The following CNTN4 variants were observed in gnomAD, a reference collection of about 807,000 sequenced individuals.
CNTN4 encodes contactin-4.
A neutral mutation model predicts 122.5 loss-of-function variants in CNTN4; 77 were observed. The ratio of observed to expected loss-of-function variants is 0.63; its 90% CI spans 0.52 to 0.76. The LOEUF (loss-of-function observed/expected upper bound fraction) is 0.76. CNTN4 is among the 30% of genes least tolerant of loss of function. The pLI is 0.00. For synonymous variants in CNTN4, 512 were observed against 447.0 expected (o/e 1.15, Z -1.83); for missense variants, 1,256 against 1,259.1 (o/e 1.00, Z 0.04).
intron 14 of CNTN4, among the ~76,000 whole-genome samples, chr3:3,012,365 C>A (rs1053490208): frequency 1.3e-5 from 2 of 152,138 alleles, no homozygotes; most frequent in African/African-American, 4.8e-5. Context: ...TTGTTTCTGT[C>A]ACATTCTTAG....
intron 2 of CNTN4, among the ~76,000 whole-genome samples, chr3:2,101,377 T>C (rs983529791): frequency 2.6e-5 from 4 of 152,226 alleles, no homozygotes; most frequent in African/African-American, 9.6e-5. Context: ...GTTTGTCTGA[T>C]CATGATTTTA....
intron 6 of CNTN4, among the ~76,000 whole-genome samples, chr3:2,811,705 C>G (rs2092615693): frequency 6.6e-6 from 1 of 151,974 alleles, no homozygotes; most frequent in Admixed American, 6.6e-5. Context: ...TGCTCTGTCA[C>G]CCAGGCTGTA....
intron 4 of CNTN4, among the ~76,000 whole-genome samples, chr3:2,630,705 T>A (rs2082392981): frequency 1.9e-5 from 2 of 103,666 alleles, no homozygotes; most frequent in Non-Finnish European, 3.6e-5. Context: ...TAAGGGAGTG[T>A]GTGTGTGTGT....
At chr3:2,937,207 C>T (rs1309046845) in intron 13 of CNTN4, among the ~76,000 whole-genome samples, 4 of 152,116 alleles carry the variant, frequency 2.6e-5, no homozygotes, top group Non-Finnish European at 5.9e-5. Flanking sequence ...CCAGCATGTC[C>T]GTCTTATGCA....
rs1003048691 is a variant in CNTN4 at position 2,193,467 on chromosome 3, CTT to C, written c.-145+92831_-145+92832del. Reference sequence around the variant, plus strand: ...TAATGGAAGAAAAAAATGCTGGAAACTTTTACTGGTTAAAGGATACTGTAGTA... The same window carrying C: ...TAATGGAAGAAAAAAATGCTGGAAACTTACTGGTTAAAGGATACTGTAGTA... On this transcript the variant is annotated intron_variant, in intron 2 of 24. Coordinates refer to ENST00000418658, the MANE Select transcript of CNTN4 (RefSeq NM_175607.3). Among the ~76,000 whole-genome samples, 39 of 152,056 alleles carry C rather than the reference CTT, an allele frequency of 2.6e-4. 1 individual carries two copies.
intron 4 of CNTN4, among the ~76,000 whole-genome samples, chr3:2,635,852 G>C (rs61039384): frequency 0.12 from 17,851 of 152,114 alleles, 1,132 homozygotes; most frequent in South Asian, 0.21. Context: ...CTCCCAGATA[G>C]TTTCAAGGAA....
intron 3 of CNTN4, among the ~76,000 whole-genome samples, chr3:2,398,072 G>A (rs1199429116): frequency 2.6e-5 from 4 of 151,868 alleles, no homozygotes; most frequent in Non-Finnish European, 5.9e-5. Flanking sequence ...AAATTTTCTC[G>A]AACTCTCTGT....
intron 2 of CNTN4, among the ~76,000 whole-genome samples, chr3:2,309,557 A>G (rs2042840715): frequency 6.6e-6 from 1 of 152,026 alleles, no homozygotes; most frequent in African/African-American, 2.4e-5. Context: ...ATTTCCATCA[A>G]CATCCCTGCA....
intron 2 of CNTN4, among the ~76,000 whole-genome samples, chr3:2,267,786 A>T (rs2041111676): frequency 6.6e-6 from 1 of 152,004 alleles, no homozygotes; most frequent in African/African-American, 2.4e-5. Flanking sequence ...ATGACACTTT[A>T]TTGGTTTTGA....
chr3:2,231,209 A>C (rs187832171), intron 2 of CNTN4, among the ~76,000 whole-genome samples: 1 of 152,154 alleles, frequency 6.6e-6, no homozygotes, highest in Non-Finnish European at 1.5e-5. Flanking sequence ...TAAATCTTCA[A>C]TTCATACTAG....
At chr3:2,465,446 A>T (rs1018890439) in intron 3 of CNTN4, among the ~76,000 whole-genome samples, 4 of 152,134 alleles carry the variant, frequency 2.6e-5, no homozygotes, top group Admixed American at 2.0e-4. Context: ...GGAGGCCGAG[A>T]TAGACGGATT....
intron 14 of CNTN4, among the ~76,000 whole-genome samples, chr3:3,011,595 G>A (rs1014979097): frequency 2.0e-5 from 3 of 152,128 alleles, no homozygotes; most frequent in African/African-American, 7.2e-5. Context: ...AAATGTCTAT[G>A]TACAATGATA....
chr3:2,760,231 A>G (rs2090526187), intron 6 of CNTN4, among the ~76,000 whole-genome samples: 1 of 152,170 alleles, frequency 6.6e-6, no homozygotes, highest in African/African-American at 2.4e-5. Flanking sequence ...TTGTTGTCAC[A>G]TCAAAGAAAC....
intron 13 of CNTN4, among the ~76,000 whole-genome samples, chr3:2,945,096 C>T (rs1216643244): frequency 6.6e-6 from 1 of 152,076 alleles, no homozygotes; most frequent in Non-Finnish European, 1.5e-5. Context: ...TTTAAGCTGC[C>T]CCATATTCTT....
chr3:2,507,917 T>C (rs1382358187), intron 3 of CNTN4, among the ~76,000 whole-genome samples: 1 of 152,054 alleles, frequency 6.6e-6, no homozygotes, highest in Non-Finnish European at 1.5e-5. Flanking sequence ...TTTTTGCTAA[T>C]AGTGACTACA....
chr3:3,049,828 C>G (rs1701068645), intron 23 of CNTN4, among the ~76,000 whole-genome samples: 1 of 136,942 alleles, frequency 7.3e-6, no homozygotes, highest in Non-Finnish European at 1.7e-5. Flanking sequence ...AGTGTTGGGA[C>G]TATCACCAAC....
At chr3:2,988,812 C>T (rs1452818488) in intron 14 of CNTN4, 7 of 286,904 alleles carry the variant, frequency 2.4e-5, no homozygotes, top group Admixed American at 9.5e-5. Context: ...AACACTATTC[C>T]AACAAATTAA....
At chr3:2,770,452 A>G (rs1279804555) in intron 6 of CNTN4, among the ~76,000 whole-genome samples, 2 of 152,258 alleles carry the variant, frequency 1.3e-5, no homozygotes, top group Non-Finnish European at 2.9e-5. Flanking sequence ...AAGGGCCCTC[A>G]GCTTCCTTCA....
At chr3:2,899,022 T>A (rs1488990612) in intron 10 of CNTN4, among the ~76,000 whole-genome samples, 1 of 152,236 alleles carries the variant, frequency 6.6e-6, no homozygotes, top group Non-Finnish European at 1.5e-5. Flanking sequence ...GTTCTAAATT[T>A]TTTTGAAGTT....
Sources: allele counts gnomAD v4.1 joint callset (sites outside exome capture counted in the v4.1 genomes callset), GRCh38; gene constraint gnomAD v4.1.1; transcripts MANE v1.5; gene names NCBI Gene and HGNC (gene_info 2026-07-23, HGNC 2026-07-21).